PCNX2: variants seen among roughly 807,000 people sequenced by gnomAD.
The protein encoded by PCNX2 is pecanex 2, also known as pecanex-like protein 2.
In PCNX2, 168 loss-of-function variants were observed where a neutral mutation model predicts 223.8. That is an observed-to-expected ratio of 0.75 (90% CI 0.66 to 0.85). PCNX2 has a LOEUF of 0.85. PCNX2 is among the 40% of genes least tolerant of loss of function. The pLI, the probability that PCNX2 is intolerant of heterozygous loss-of-function variation, is 0.00. For missense variants in PCNX2, 2,507 were observed against 2,675.5 expected, an observed-to-expected ratio of 0.94 and a Z score of 1.39; for synonymous variants, 1,006 against 1,052.6, an observed-to-expected ratio of 0.96 and a Z score of 0.86.
intron 1 of PCNX2, 106 bp from the exon 2 acceptor site, chr1:233,263,269 G>A (rs1660156532): frequency 2.1e-6 from 2 of 944,188 alleles, no homozygotes; most frequent in East Asian, 5.4e-5. Context: ...AATTAGGCAA[G>A]ATTTCAAATT....
At chr1:233,028,080 C>T (rs1182532537) in intron 25 of PCNX2, among the ~76,000 whole-genome samples, 1 of 152,134 alleles carries the variant, frequency 6.6e-6, no homozygotes, top group East Asian at 1.9e-4. Flanking sequence ...GAGTTTAATT[C>T]CAGTGTTACT....
At chr1:233,056,852 C>T (rs1016554444) in intron 24 of PCNX2, among the ~76,000 whole-genome samples, 4 of 152,140 alleles carry the variant, frequency 2.6e-5, no homozygotes, top group African/African-American at 9.7e-5. Flanking sequence ...CTTCTAGATC[C>T]TGGATCATGG....
chr1:233,005,668 C>T (rs1572002828), intron 28 of PCNX2, among the ~76,000 whole-genome samples: 1 of 152,194 alleles, frequency 6.6e-6, no homozygotes, highest in East Asian at 1.9e-4. Flanking sequence ...GCTTTTTTCC[C>T]CCTGAGAGAA....
chr1:233,309,324 T>A, the PCNX2 span, among the ~76,000 whole-genome samples: 2 of 151,766 alleles, frequency 1.3e-5, no homozygotes, highest in Non-Finnish European at 2.9e-5. Flanking sequence ...GGTGGATCAT[T>A]TGAGGTCAGG....
At chr1:233,311,785 A>G in the PCNX2 span, among the ~76,000 whole-genome samples, 35,878 of 152,158 alleles carry the variant, frequency 0.24, 5,308 homozygotes, top group East Asian at 0.42. Flanking sequence ...ATGTATTGAT[A>G]ACTATAATTG....
chr1:233,215,534 T>C (rs1387160755), intron 12 of PCNX2, among the ~76,000 whole-genome samples: 1 of 152,222 alleles, frequency 6.6e-6, no homozygotes, highest in African/African-American at 2.4e-5. Context: ...TAACAGACAT[T>C]ACAAATCCAC....
At chr1:233,287,940 T>C (rs2103025983) in intron 1 of PCNX2, among the ~76,000 whole-genome samples, 1 of 152,350 alleles carries the variant, frequency 6.6e-6, no homozygotes, top group East Asian at 1.9e-4. Context: ...CTGCCTCATA[T>C]GTGCTCAGAA....
rs904895739 is a variant in PCNX2 at position 233,097,181 on chromosome 1, A to C, written c.3838-1318T>G. 5.3e-5 allele frequency among the ~76,000 whole-genome samples: 8 copies of C among 152,134 alleles called. No homozygotes were observed. In the East Asian group the frequency reaches 5.8e-4, roughly 11 times the overall value. On this transcript the variant is annotated intron_variant, in intron 21 of 33. Transcript: ENST00000258229. ...GTTATGCATAGAACCCCTGACCTAA[A>C]AACATGTCTACCAGAGCCTCTAGTT...
At chr1:233,013,679 AC>A (rs1670553956) in intron 28 of PCNX2, among the ~76,000 whole-genome samples, 1 of 152,186 alleles carries the variant, frequency 6.6e-6, no homozygotes, top group Non-Finnish European at 1.5e-5. Flanking sequence ...CCAAGTAGAA[AC>A]AATCCCAGAC....
At chr1:233,009,011 G>A (rs982582727) in intron 28 of PCNX2, among the ~76,000 whole-genome samples, 6 of 152,208 alleles carry the variant, frequency 3.9e-5, no homozygotes, top group African/African-American at 1.4e-4. Context: ...TTAACTGCTG[G>A]GAGATGTTGT....
chr1:233,144,976 T>C (rs942279703), intron 19 of PCNX2, among the ~76,000 whole-genome samples: 31 of 150,744 alleles, frequency 2.1e-4, no homozygotes, highest in African/African-American at 7.6e-4. Flanking sequence ...GTTTCTTTTT[T>C]TTTTTTGAGA....
chr1:233,258,432 T>A lies in PCNX2; in HGVS notation c.1430A>T (p.Asn477Ile). The change falls in exon 5 of 34, where the codon AAT becomes ATT. Residue 477 changes from asparagine (N) to isoleucine (I), a missense_variant. This residue lies in a region of PCNX2 where 1,031 missense variants were observed against 1,021.7 expected (regional missense o/e 1.01). Transcript: ENST00000258229. ...TGAAGAACTGTGATCCTTGATGGCATTTCCCCCCTCCCCAGATCCGTAGCC... is the reference window on the plus strand; with the variant it reads ...TGAAGAACTGTGATCCTTGATGGCAATTCCCCCCTCCCCAGATCCGTAGCC... Reference protein sequence around the residue: ...CSGYGSGEGGNAIKDHSSSSR... With the variant: ...CSGYGSGEGGIAIKDHSSSSR... 1 of 1,613,884 alleles carries A rather than the reference T, an allele frequency of 6.2e-7. No individual in the cohort carries two copies. The highest frequency in any genetic ancestry group is 8.5e-7 in the Non-Finnish European group (1 of 1,179,852).
At chr1:233,074,044 T>G (rs1054978111) in intron 23 of PCNX2, among the ~76,000 whole-genome samples, 1 of 152,210 alleles carries the variant, frequency 6.6e-6, no homozygotes, top group Non-Finnish European at 1.5e-5. Flanking sequence ...TTTTTAATTT[T>G]CTTTGAGATT....
chr1:233,230,800 A>C (rs1278668397), intron 9 of PCNX2, among the ~76,000 whole-genome samples: 1 of 152,240 alleles, frequency 6.6e-6, no homozygotes, highest in Non-Finnish European at 1.5e-5. Flanking sequence ...ATCAAGAACA[A>C]CTTACATTAT....
intron 17 of PCNX2, among the ~76,000 whole-genome samples, chr1:233,162,008 GTT>G (rs1388627522): frequency 1.3e-5 from 2 of 148,446 alleles, no homozygotes; most frequent in Non-Finnish European, 3.0e-5. Flanking sequence ...ATACATGTAT[GTT>G]TATATTTATA....
intron 26 of PCNX2, 139 bp downstream of exon 26, chr1:233,025,007 G>C: frequency 2.6e-6 from 3 of 1,176,100 alleles, no homozygotes; most frequent in Non-Finnish European, 3.6e-6. Context: ...CAAAAGCAAT[G>C]GTTCCCCAGA....
chr1:232,994,722 T>A lies in PCNX2; in HGVS notation c.5791+3529A>T, dbSNP rs370525675. ...GACCTGGTGGGAGGTGATTGGATCA[T>A]GGGGGTGGTTTCCCCCAGGCTGTTT... On this transcript the variant is annotated intron_variant, in intron 32 of 33. Coordinates refer to ENST00000258229, the MANE Select transcript of PCNX2 (RefSeq NM_014801.4). 1.9e-4 allele frequency among the ~76,000 whole-genome samples: 29 copies of A among 152,268 alleles called. 1 individual carries two copies. Among genetic ancestry groups the A allele is most frequent in the African/African-American group, 7.0e-4 (29 of 41,566 alleles).
chr1:233,307,345 C>A, the PCNX2 span, among the ~76,000 whole-genome samples: 1 of 152,100 alleles, frequency 6.6e-6, no homozygotes, highest in African/African-American at 2.4e-5. Context: ...ACTCTTAGTT[C>A]CTGGGAGAAT....
At chr1:233,317,610 A>G in the PCNX2 span, among the ~76,000 whole-genome samples, 11 of 152,190 alleles carry the variant, frequency 7.2e-5, no homozygotes, top group Non-Finnish European at 1.3e-4. Context: ...GAAAATGTTT[A>G]AATTTTTTTG....
Sources: gnomAD v4.1 joint callset for allele counts (sites outside exome capture counted in the v4.1 genomes callset) on GRCh38, gnomAD v4.1.1 for gene constraint, gnomAD v4.1.1 regional missense constraint, MANE v1.5 for transcripts, NCBI Gene and HGNC (gene_info 2026-07-23, HGNC 2026-07-21) for gene names.